Variants in NUDT7 observed in about 807,000 individuals in gnomAD.
NUDT7 encodes peroxisomal coenzyme A diphosphatase NUDT7.
NUDT7 carries 19 observed loss-of-function variants against 13.1 expected under a neutral mutation model. The observed-to-expected ratio is 1.45, with a 90% CI of 1.01 to 2.13. The LOEUF (loss-of-function observed/expected upper bound fraction) is 2.13. Ranked by LOEUF, NUDT7 falls within the 30% of genes most tolerant of loss-of-function variation. The pLI is 0.00. For missense variants in NUDT7, 360 were observed against 291.7 expected, an observed-to-expected ratio of 1.23 and a Z score of -1.71; for synonymous variants, 132 against 109.7, an observed-to-expected ratio of 1.20 and a Z score of -1.27.
Position 77,725,346 on chromosome 16 carries a change from A to G in NUDT7, c.36-85A>G, listed in dbSNP as rs557222857. 52 of 1,287,064 alleles carry G rather than the reference A, an allele frequency of 4.0e-5. No homozygotes were observed. The South Asian group carries it at 6.0e-4, about 15-fold the overall frequency. The allele number at this position is 1,287,064 out of a possible 1,614,324, so 79.7% of individuals were successfully genotyped here. On this transcript the variant is annotated intron_variant, in intron 1 of 3. Transcript: ENST00000268533. Reference sequence around the variant, plus strand: ...GAAATGGCAAACTCCTAAATACACAACAAAGCAGAAACAGAGGCAGGACTA... The same window carrying G: ...GAAATGGCAAACTCCTAAATACACAGCAAAGCAGAAACAGAGGCAGGACTA...
intron 2 of NUDT7, among the ~76,000 whole-genome samples, chr16:77,728,840 G>A (rs1249479137): frequency 1.3e-5 from 2 of 152,128 alleles, no homozygotes; most frequent in African/African-American, 2.4e-5. Flanking sequence ...GGCCTTCAAA[G>A]CCACCCACTT....
At chr16:77,723,999 G>A (rs1312293154) in intron 1 of NUDT7, among the ~76,000 whole-genome samples, 2 of 152,160 alleles carry the variant, frequency 1.3e-5, no homozygotes, top group Non-Finnish European at 2.9e-5. Context: ...TCCTTTTCTA[G>A]GGCTGCCATA....
intron 3 of NUDT7, among the ~76,000 whole-genome samples, chr16:77,738,683 T>C (rs2014565571): frequency 6.6e-6 from 1 of 152,132 alleles, no homozygotes; most frequent in Admixed American, 6.5e-5. Flanking sequence ...CAAGCAATTC[T>C]CCTGCCTCAG....
Position 77,742,199 on chromosome 16 carries a change from A to ACAT in NUDT7, c.*250_*252dup, listed in dbSNP as rs1222671873. 7.9e-6 allele frequency: 8 copies of ACAT among 1,006,750 alleles called. No homozygotes were observed. Among genetic ancestry groups the ACAT allele is most frequent in the Non-Finnish European group, 1.0e-5 (8 of 795,150 alleles). The allele number at this position is 1,006,750 out of a possible 1,614,324, so 62.4% of individuals were successfully genotyped here. ...AATATGTTAATAATATTTTTCTTAC[A>ACAT]CATATAATAAAGAATATCTGGCACA... On this transcript the variant is annotated 3_prime_UTR_variant, in exon 4 of 4. Transcript: ENST00000268533.
chr16:77,722,517 C>CTGCGCAAGCGCGACCG lies in NUDT7; in HGVS notation c.-65_-50dup. The CTGCGCAAGCGCGACCG allele has an allele frequency of 1.4e-6, 2 of 1,471,292 alleles. No homozygotes were observed. The highest frequency in any genetic ancestry group is 2.8e-5 in the African/African-American group (2 of 71,650). 91.1% of individuals were successfully genotyped at this position (1,471,292 alleles called of 1,614,324 possible). On this transcript the variant is annotated 5_prime_UTR_variant, in exon 1 of 4. Coordinates refer to ENST00000268533, the MANE Select transcript of NUDT7 (RefSeq NM_001105663.3). ...GGCCGCTCCCAAGCCCAGAGCTGCT[C>CTGCGCAAGCGCGACCG]TGCGCAAGCGCGACCGACCGAGCAG... is the stretch of plus-strand genomic sequence containing the variant.
chr16:77,742,253 AT>A lies in NUDT7; in HGVS notation c.*304del. 1.9e-6 allele frequency: 1 copy of A among 522,688 alleles called. No individual in the cohort carries two copies. Among genetic ancestry groups the A allele is most frequent in the Non-Finnish European group, 2.6e-6 (1 of 384,104 alleles). The allele number at this position is 522,688 out of a possible 1,614,324, so 32.4% of individuals were successfully genotyped here. A position where few individuals can be genotyped will look rare whatever the true frequency, so the allele number is the denominator to read the frequency against. On this transcript the variant is annotated 3_prime_UTR_variant, in exon 4 of 4. Coordinates refer to ENST00000268533, the MANE Select transcript of NUDT7 (RefSeq NM_001105663.3). ...TAGGCCCTTAATAAAGATTTTTTGA[AT>A]ATATAACCATGTGGCATTTACCTTA... is the stretch of plus-strand genomic sequence containing the variant.
At chr16:77,728,256 G>A (rs1224302921) in intron 2 of NUDT7, among the ~76,000 whole-genome samples, 1 of 152,028 alleles carries the variant, frequency 6.6e-6, no homozygotes, top group Non-Finnish European at 1.5e-5. Context: ...TTTTTCAGAA[G>A]GATTCTCGCT....
At chr16:77,740,428 C>T (rs928524477) in intron 3 of NUDT7, among the ~76,000 whole-genome samples, 6 of 152,214 alleles carry the variant, frequency 3.9e-5, no homozygotes, top group African/African-American at 1.4e-4. Flanking sequence ...AGGCAGGCAG[C>T]TCTTACCAGT....
At chr16:77,736,674 G>A in intron 3 of NUDT7, 1 of 284,100 alleles carries the variant, frequency 3.5e-6, no homozygotes, top group Non-Finnish European at 7.6e-6. Context: ...CTATGTTGAT[G>A]AGGCTGGTCT....
intron 3 of NUDT7, 168 bp downstream of exon 3, chr16:77,736,154 C>A: frequency 1.6e-6 from 1 of 611,368 alleles, no homozygotes; most frequent in Non-Finnish European, 2.8e-6. Context: ...TGGCTATGGG[C>A]AACCCCTTTT....
At chr16:77,731,622 GTTC>G (rs1413795310) in intron 2 of NUDT7, among the ~76,000 whole-genome samples, 1 of 152,130 alleles carries the variant, frequency 6.6e-6, no homozygotes, top group Non-Finnish European at 1.5e-5. Flanking sequence ...ATTTTAGAGT[GTTC>G]TTCTTCTACT....
chr16:77,727,684 GTC>G (rs1407151576), intron 2 of NUDT7, among the ~76,000 whole-genome samples: 1 of 152,128 alleles, frequency 6.6e-6, no homozygotes, highest in Middle Eastern at 3.2e-3. Flanking sequence ...GCGAAACCCT[GTC>G]TCTACTAAAA....
At chr16:77,740,937 ATATAGT>A (rs2145131418) in intron 3 of NUDT7, among the ~76,000 whole-genome samples, 1 of 152,360 alleles carries the variant, frequency 6.6e-6, no homozygotes, top group South Asian at 2.1e-4. Flanking sequence ...AGTAGTTCAC[ATATAGT>A]TATATATAAG....
At chr16:77,725,374 A>T in intron 1 of NUDT7, 57 bp from the exon 2 acceptor site, 1 of 1,513,390 alleles carries the variant, frequency 6.6e-7, no homozygotes, top group Non-Finnish European at 9.0e-7. Flanking sequence ...CAGGACTATA[A>T]GCTTTTTACC....
intron 2 of NUDT7, chr16:77,735,589 A>G (rs749106523): frequency 1.7e-6 from 1 of 579,852 alleles, no homozygotes; most frequent in Non-Finnish European, 3.1e-6. Flanking sequence ...AGATTAATAC[A>G]GTGTGTGGTA....
intron 2 of NUDT7, among the ~76,000 whole-genome samples, chr16:77,729,103 A>G (rs748279178): frequency 6.6e-6 from 1 of 152,226 alleles, no homozygotes; most frequent in Non-Finnish European, 1.5e-5. Flanking sequence ...TAAGAAATGT[A>G]TACTATTTAT....
At chr16:77,733,195 T>G (rs541331199) in intron 2 of NUDT7, among the ~76,000 whole-genome samples, 2 of 152,228 alleles carry the variant, frequency 1.3e-5, no homozygotes, top group African/African-American at 4.8e-5. Flanking sequence ...GGCATTGTCA[T>G]AGTCCTCTCA....
chr16:77,733,594 A>C (rs16946398), intron 2 of NUDT7, among the ~76,000 whole-genome samples: 1 of 152,190 alleles, frequency 6.6e-6, no homozygotes, highest in African/African-American at 2.4e-5. Flanking sequence ...TAGGTGCTAA[A>C]AATGGCAACA....
intron 2 of NUDT7, among the ~76,000 whole-genome samples, chr16:77,731,457 A>C (rs2014316471): frequency 6.6e-6 from 1 of 152,176 alleles, no homozygotes; most frequent in South Asian, 2.1e-4. Context: ...CATTACTCAC[A>C]TGTTTGTGGT....
Sources: gnomAD v4.1 joint callset for allele counts (sites outside exome capture counted in the v4.1 genomes callset) on GRCh38, gnomAD v4.1.1 for gene constraint, MANE v1.5 for transcripts, NCBI Gene and HGNC (gene_info 2026-07-23, HGNC 2026-07-21) for gene names.